Variants in TMEM132D observed in about 807,000 individuals in gnomAD.
The protein encoded by TMEM132D is mature OL transmembrane protein.
Under a neutral mutation model 62.3 loss-of-function variants are expected in TMEM132D, and 21 were observed. That is an observed-to-expected ratio of 0.34 (90% CI 0.24 to 0.49). TMEM132D has a LOEUF of 0.49. Among genes scored for constraint, TMEM132D ranks in the 20% least tolerant of loss-of-function variants. TMEM132D has a pLI of 0.99. For synonymous variants in TMEM132D, 621 were observed against 575.6 expected (o/e 1.08, Z -1.13); for missense variants, 1,346 against 1,402.8 (o/e 0.96, Z 0.65).
intron 3 of TMEM132D, among the ~76,000 whole-genome samples, chr12:129,458,851 G>C (rs777404506): frequency 3.5e-4 from 53 of 152,294 alleles, no homozygotes; most frequent in Non-Finnish European, 6.3e-4. Flanking sequence ...ATGACACTCA[G>C]CTCACGGGGT....
intron 3 of TMEM132D, among the ~76,000 whole-genome samples, chr12:129,489,799 T>C (rs1289882450): frequency 6.6e-6 from 1 of 152,250 alleles, no homozygotes. Context: ...TCACAGATAA[T>C]TACATTAATA....
At chr12:129,211,257 A>AACAT (rs1391197680) in intron 4 of TMEM132D, among the ~76,000 whole-genome samples, 1 of 152,156 alleles carries the variant, frequency 6.6e-6, no homozygotes, top group African/African-American at 2.4e-5. Flanking sequence ...GTTAACTATG[A>AACAT]ACGTATCTGT....
intron 2 of TMEM132D, among the ~76,000 whole-genome samples, chr12:129,699,280 C>A (rs1018605587): frequency 6.6e-6 from 1 of 152,096 alleles, no homozygotes; most frequent in Admixed American, 6.5e-5. Flanking sequence ...ACACGTTATG[C>A]TCATTTATTT....
intron 3 of TMEM132D, among the ~76,000 whole-genome samples, chr12:129,518,582 T>C (rs1341299859): frequency 6.8e-6 from 1 of 147,794 alleles, no homozygotes; most frequent in African/African-American, 2.6e-5. Context: ...CACACACACA[T>C]ATATATAAAA....
intron 5 of TMEM132D, among the ~76,000 whole-genome samples, chr12:129,117,729 G>A (rs1875937981): frequency 6.6e-6 from 1 of 152,172 alleles, no homozygotes; most frequent in African/African-American, 2.4e-5. Flanking sequence ...TGCAGTGGAA[G>A]GAAGTATACT....
At chr12:129,235,397 T>TG (rs1283991090) in intron 4 of TMEM132D, among the ~76,000 whole-genome samples, 10 of 114,458 alleles carry the variant, frequency 8.7e-5, no homozygotes, top group African/African-American at 3.4e-4. Flanking sequence ...CAGCCCCTAA[T>TG]GGGTTTTTTT....
intron 1 of TMEM132D, among the ~76,000 whole-genome samples, chr12:129,847,147 T>A (rs1226142341): frequency 6.6e-6 from 1 of 152,222 alleles, no homozygotes; most frequent in African/African-American, 2.4e-5. Context: ...TGAGGATTAA[T>A]CTATTTCTGG....
chr12:129,530,103 A>C (rs1361532351), intron 3 of TMEM132D, among the ~76,000 whole-genome samples: 1 of 152,208 alleles, frequency 6.6e-6, no homozygotes, highest in Non-Finnish European at 1.5e-5. Flanking sequence ...CGAGCAAAGA[A>C]GTACAGAAAA....
At chr12:129,448,845 A>G (rs913134982) in intron 3 of TMEM132D, among the ~76,000 whole-genome samples, 3 of 152,206 alleles carry the variant, frequency 2.0e-5, no homozygotes, top group African/African-American at 7.2e-5. Flanking sequence ...AATTTACATG[A>G]AGCATATTAG....
chr12:129,641,285 A>C (rs574255293), intron 2 of TMEM132D, among the ~76,000 whole-genome samples: 39 of 152,072 alleles, frequency 2.6e-4, no homozygotes, highest in African/African-American at 8.4e-4. Context: ...AAGAACTAGC[A>C]CTCACGACTT....
intron 4 of TMEM132D, among the ~76,000 whole-genome samples, chr12:129,266,752 T>C (rs900258): frequency 0.12 from 18,175 of 151,888 alleles, 1,463 homozygotes; most frequent in African/African-American, 0.2. Flanking sequence ...GCCAACCTCC[T>C]ACATCCAATC....
At chr12:129,431,469 G>A (rs890404420) in intron 3 of TMEM132D, among the ~76,000 whole-genome samples, 71 of 152,264 alleles carry the variant, frequency 4.7e-4, no homozygotes, top group Middle Eastern at 3.4e-3. Flanking sequence ...CCAGAACTAT[G>A]CACACGGGAT....
chr12:129,212,143 C>A (rs780023238), intron 4 of TMEM132D: 3 of 152,196 alleles, frequency 2.0e-5, no homozygotes, highest in African/African-American at 7.2e-5. Context: ...TGAAGAGCAT[C>A]TCCACTCTAA....
At position 129,747,298 on chromosome 12, in the gene TMEM132D, CTT is replaced by C. The variant is rs1237594070; in HGVS notation, c.80-46602_80-46601del. The stretch of plus-strand genomic sequence containing the variant: ...GACCTTTCCATCCGCCTCAAGTTGA[CTT>C]TTCTTTGATGTCCACATAGCTCATT... On this transcript the variant is annotated intron_variant, in intron 1 of 8. Coordinates refer to ENST00000422113, the MANE Select transcript of TMEM132D (RefSeq NM_133448.3). 6.1e-5 allele frequency among the ~76,000 whole-genome samples: 9 copies of C among 148,688 alleles called. 1 individual carries two copies. The Middle Eastern group carries it at 0.017, about 285-fold the overall frequency.
chr12:129,407,602 T>C (rs1341451862), intron 3 of TMEM132D, among the ~76,000 whole-genome samples: 1 of 152,148 alleles, frequency 6.6e-6, no homozygotes, highest in Non-Finnish European at 1.5e-5. Flanking sequence ...TCTTAATCTT[T>C]AAGTTAAAAA....
chr12:129,405,603 G>A (rs1159796094), intron 3 of TMEM132D, among the ~76,000 whole-genome samples: 1 of 152,110 alleles, frequency 6.6e-6, no homozygotes, highest in Non-Finnish European at 1.5e-5. Flanking sequence ...GTGCTGTTGG[G>A]AGGAGATGAT....
intron 4 of TMEM132D, among the ~76,000 whole-genome samples, chr12:129,275,568 A>G (rs1880981494): frequency 6.6e-6 from 1 of 152,230 alleles, no homozygotes; most frequent in Admixed American, 6.5e-5. Context: ...GACACACAAA[A>G]TAAGTCATTC....
Position 129,573,977 on chromosome 12 carries a change from C to T in TMEM132D, c.969-42772G>A, listed in dbSNP as rs535275066. 1.1e-4 allele frequency among the ~76,000 whole-genome samples: 17 copies of T among 151,764 alleles called. No homozygotes were observed. The South Asian group carries it at 3.3e-3, about 30-fold the overall frequency. ...CTGATGAAGGAGATGCATAGAGGAA[C>T]TCTATGGGGCCCGGGTGATGATCTT... On this transcript the variant is annotated intron_variant, in intron 2 of 8. Coordinates refer to ENST00000422113, the MANE Select transcript of TMEM132D (RefSeq NM_133448.3).
chr12:129,707,690 G>A (rs1288658031), intron 1 of TMEM132D, among the ~76,000 whole-genome samples: 1 of 152,078 alleles, frequency 6.6e-6, no homozygotes, highest in African/African-American at 2.4e-5. Context: ...ATTACATTTG[G>A]AGACCATGAA....
Sources: gnomAD v4.1 joint callset for allele counts (sites outside exome capture counted in the v4.1 genomes callset) on GRCh38, gnomAD v4.1.1 for gene constraint, MANE v1.5 for transcripts, NCBI Gene and HGNC (gene_info 2026-07-23, HGNC 2026-07-21) for gene names.